PCNX3: variants seen among roughly 807,000 people sequenced by gnomAD.
PCNX3 encodes the protein pecanex-like protein 3.
In PCNX3, 58 loss-of-function variants were observed where a neutral mutation model predicts 207.2. The observed-to-expected ratio is 0.28, with a 90% CI of 0.23 to 0.35. The LOEUF is 0.35. Ranked by LOEUF, PCNX3 falls within the 10% of genes least tolerant of loss-of-function variation. The pLI, the probability that PCNX3 is intolerant of heterozygous loss-of-function variation, is 1.00. For synonymous variants in PCNX3, 1,337 were observed against 1,183.5 expected (o/e 1.13, Z -2.66); for missense variants, 2,410 against 2,774.4 (o/e 0.87, Z 2.95).
Position 65,636,445 on chromosome 11 carries a change from T to C in PCNX3, c.5648T>C (p.Leu1883Pro). 6.4e-7 allele frequency: 1 copy of C among 1,557,544 alleles called. No homozygotes were observed. Among genetic ancestry groups the C allele is most frequent in the Non-Finnish European group, 8.7e-7 (1 of 1,153,598 alleles). The change falls in exon 34 of 35, where the codon CTG (leucine) becomes CCG (proline). Residue 1883 changes from leucine (L) to proline (P), a missense_variant. Physicochemically the swap from Leu to Pro is moderately conservative, Grantham distance 98. Coordinates refer to ENST00000355703, the MANE Select transcript of PCNX3 (RefSeq NM_032223.4). ...CCTGGCTGGGGGCCGCGGTCCTCCC[T>C]GAGTGGCTCTGGTGATGGGCGGCCC... Reference protein sequence around the residue: ...PGPGWGPRSSLSGSGDGRPPP... With the variant: ...PGPGWGPRSSPSGSGDGRPPP...
rs1044528108 is a variant in PCNX3 at position 65,616,130 on chromosome 11, C to T, written c.-182C>T. The T allele has an allele frequency of 5.1e-5, 20 of 392,746 alleles. 1 individual carries two copies. The highest frequency in any genetic ancestry group is 2.6e-5 in the Non-Finnish European group (6 of 227,746). 24.3% of individuals were successfully genotyped at this position (392,746 alleles called of 1,614,324 possible). On this transcript the variant is annotated 5_prime_UTR_variant, in exon 1 of 35. Coordinates refer to ENST00000355703, the MANE Select transcript of PCNX3 (RefSeq NM_032223.4). Reference sequence around the variant, plus strand: ...TCCGGGCCTTGCACCACTGACTGTCCCGGCCGGCCCCGCCCCCTGCTCGCA... The same window carrying T: ...TCCGGGCCTTGCACCACTGACTGTCTCGGCCGGCCCCGCCCCCTGCTCGCA...
chr11:65,617,450 A>G lies in PCNX3; in HGVS notation c.442-20A>G, dbSNP rs751930077. ...TACTTCTTGCCTTGTTTGTTCCTTC[A>G]TGGCTCTCTGTCTACTCAGGAGCTG... On this transcript the variant is annotated intron_variant, in intron 3 of 34. Transcript: ENST00000355703. 45 of 1,613,584 alleles carry G rather than the reference A, an allele frequency of 2.8e-5. No individual in the cohort carries two copies. The highest frequency in any genetic ancestry group is 3.8e-5 in the Non-Finnish European group (45 of 1,179,796).
At chr11:65,634,773 C>A in intron 29 of PCNX3, 132 bp downstream of exon 29, 1 of 1,182,132 alleles carries the variant, frequency 8.5e-7, no homozygotes, top group Non-Finnish European at 1.2e-6. Flanking sequence ...CCTCTTCTCC[C>A]ACGGGCAGGG....
rs752839598 is a variant in PCNX3 at position 65,618,654 on chromosome 11, G to T, written c.1292G>T (p.Ser431Ile). Residue 431 changes from serine to isoleucine, a missense_variant, in exon 6 of 35, where the codon AGC becomes ATC. By Grantham distance (142) the Ser-to-Ile change is moderately radical. Transcript: ENST00000355703. ...GACACTAGTGAGGGCAGTGAACTGA[G>T]CCCGGCCTCCAGTCTCCGATCGCAG... ...DEDTSEGSEL[S>I]PASSLRSQRR... 1 of 1,613,136 alleles carries T rather than the reference G, an allele frequency of 6.2e-7. No individual in the cohort carries two copies. Among genetic ancestry groups the T allele is most frequent in the South Asian group, 1.1e-5 (1 of 91,084 alleles).
chr11:65,634,272 C>A lies in PCNX3; in HGVS notation c.4617C>A (p.Asp1539Glu). The A allele has an allele frequency of 6.2e-7, 1 of 1,612,248 alleles. No individual in the cohort carries two copies. Among genetic ancestry groups the A allele is most frequent in the South Asian group, 1.1e-5 (1 of 90,800 alleles). The change falls in exon 28 of 35, where the codon GAC (aspartate) becomes GAA (glutamate). Residue 1539 changes from aspartate (D) to glutamate (E), a missense_variant. Asp to Glu is a conservative substitution (Grantham distance 45). Around this residue, in one of 8 missense-constraint regions of PCNX3, gnomAD observed 420 missense variants for 705.3 expected, o/e 0.60. Coordinates refer to ENST00000355703, the MANE Select transcript of PCNX3 (RefSeq NM_032223.4). ...TFSLSVDEDY[D>E]LRLSGLSLPS... is the part of the protein sequence containing the mutation. ...CGCTGAGTGTGGATGAGGACTATGA[C>A]CTCCGCCTGTCTGGCCTCTCGCTGC...
In PCNX3 at chr11:65,636,194, C is replaced by T. The variant is rs1242216982; in HGVS notation, c.5480C>T (p.Ala1827Val). The change falls in exon 33 of 35, where the codon GCC becomes GTC. Residue 1827 changes from alanine (A) to valine (V), a missense_variant. Ala to Val is a moderately conservative substitution (Grantham distance 64). Transcript: ENST00000355703. ...CCCAGGCTTCACAAGGGCTGTGGCG[C>T]CGGCTGCAATAGTGGCGGGAACGTG... ...TWERLHKGCG[A>V]GCNSGGNVDD... 1 of 1,602,898 alleles carries T rather than the reference C, an allele frequency of 6.2e-7. No homozygotes were observed. Among genetic ancestry groups the T allele is most frequent in the Non-Finnish European group, 8.5e-7 (1 of 1,174,678 alleles).
At position 65,625,859 on chromosome 11, in the gene PCNX3, T is replaced by C. The variant is rs770236413; in HGVS notation, c.3229-45T>C. ...TGCCAGGTGGCCCTCTGTGGTCCCT[T>C]GGCCTGCTCCCATCAGCTGAGTCTC... is the stretch of plus-strand genomic sequence containing the variant. On this transcript the variant is annotated intron_variant, in intron 19 of 34. Transcript: ENST00000355703. The surrounding 1 kb of genome is among the most constrained non-coding windows in gnomAD (Gnocchi z 5.6). 13 of 1,602,492 alleles carry C rather than the reference T, an allele frequency of 8.1e-6. No individual in the cohort carries two copies. In the South Asian group the frequency reaches 1.5e-4, roughly 18 times the overall value.
rs903324100 is a variant in PCNX3, at chr11:65,636,876, C to T, written c.6003C>T (p.Ala2001=). Residue 2001 remains alanine, a synonymous_variant, in exon 35 of 35, where the codon GCC becomes GCT. Coordinates refer to ENST00000355703, the MANE Select transcript of PCNX3 (RefSeq NM_032223.4). ...SQDIPCLDSS[A]PESGTPMGAL... is the part of the protein sequence containing the mutation. ...ACATTCCTTGCTTGGACAGCAGTGC[C>T]CCTGAGAGTGGCACACCTATGGGTG... The T allele has an allele frequency of 6.4e-7, 1 of 1,552,446 alleles. No individual in the cohort carries two copies. The highest frequency in any genetic ancestry group is 1.4e-5 in the African/African-American group (1 of 73,228).
chr11:65,624,613 G>A (rs888748851), intron 15 of PCNX3, 32 bp downstream of exon 15: 6 of 1,541,206 alleles, frequency 3.9e-6, no homozygotes, highest in African/African-American at 2.7e-5. Flanking sequence ...CAGGGATGGG[G>A]CCCGTGTGGA....
chr11:65,625,641 T>C lies in PCNX3; in HGVS notation c.3136-11T>C, dbSNP rs1590887875. ...TGGCCGGGCAGCTGAATGTCTCTCC[T>C]GGCCCTGCAGCGTGAGGTCTTGCAC... is the stretch of plus-strand genomic sequence containing the variant. On this transcript the variant is annotated splice_polypyrimidine_tract_variant and intron_variant, in intron 18 of 34. Transcript: ENST00000355703. This position sits in a 1 kb window ranked among gnomAD's most constrained non-coding sequence, Gnocchi z 5.6. The C allele has an allele frequency of 6.2e-7, 1 of 1,612,032 alleles. No individual in the cohort carries two copies.
chr11:65,630,702 G>T lies in PCNX3; in HGVS notation c.4470+98G>T, dbSNP rs904258453. The T allele has an allele frequency of 2.0e-6, 3 of 1,477,312 alleles. No homozygotes were observed. The African/African-American group carries it at 4.2e-5, about 21-fold the overall frequency. The allele number at this position is 1,477,312 out of a possible 1,614,324, so 91.5% of individuals were successfully genotyped here. A position where few individuals can be genotyped will look rare whatever the true frequency, so the allele number is the denominator to read the frequency against. On this transcript the variant is annotated intron_variant, in intron 27 of 34. Coordinates refer to ENST00000355703, the MANE Select transcript of PCNX3 (RefSeq NM_032223.4). ...CCCCTTTCTGGGTTGTTGGGAGCCTGTTTTGTCCAAGGGAAGCTGAGGCCT... is the reference window on the plus strand; with the variant it reads ...CCCCTTTCTGGGTTGTTGGGAGCCTTTTTTGTCCAAGGGAAGCTGAGGCCT...
rs1032657933 is a variant in PCNX3, at chr11:65,635,503, C to A, written c.5185-26C>A. 3.1e-6 allele frequency: 5 copies of A among 1,608,030 alleles called. No individual in the cohort carries two copies. The African/African-American group carries it at 5.3e-5, about 17-fold the overall frequency. On this transcript the variant is annotated intron_variant, in intron 31 of 34. Transcript: ENST00000355703. This position sits in a 1 kb window ranked among gnomAD's most constrained non-coding sequence, Gnocchi z 9.9. ...TGCCCCAAACCCCCTTGGGCCGGCC[C>A]CCTGACCCTGGCGTGTGGCTCTCAG... is the stretch of plus-strand genomic sequence containing the variant.
At chr11:65,620,797 C>A in intron 9 of PCNX3, 34 bp from the exon 10 acceptor site, 2 of 1,586,108 alleles carry the variant, frequency 1.3e-6, no homozygotes, top group East Asian at 4.7e-5. Context: ...AGGGCTCGCC[C>A]GTGGGGGGAT....
At chr11:65,623,421 T>G (rs1855214836) in intron 11 of PCNX3, 70 bp from the exon 12 acceptor site, 2 of 1,494,814 alleles carry the variant, frequency 1.3e-6, no homozygotes, top group Non-Finnish European at 1.8e-6. Flanking sequence ...TAGGGCAAGA[T>G]CCATCTTCCC....
intron 11 of PCNX3, 21 bp downstream of exon 11, chr11:65,622,387 G>T: frequency 1.3e-6 from 2 of 1,583,576 alleles, no homozygotes. Flanking sequence ...CGCAGCCTTG[G>T]CCCCCAATTC....
chr11:65,620,341 G>T lies in PCNX3; in HGVS notation c.2011G>T (p.Val671Leu). ...AVHYFYDESG[V>L]RRSYTFGLAG... ...TCATCTCCCATACCCTGCCCCAGGT[G>T]TGCGGCGTTCCTACACCTTTGGCCT... Residue 671 changes from valine (V) to leucine (L), a missense_variant and splice_region_variant, in exon 9 of 35, where the codon GTG becomes TTG. By Grantham distance (32) the Val-to-Leu change is conservative. Around this residue, in one of 8 missense-constraint regions of PCNX3, gnomAD observed 1,104 missense variants for 970.3 expected, o/e 1.14. Coordinates refer to ENST00000355703, the MANE Select transcript of PCNX3 (RefSeq NM_032223.4). 1 of 1,612,972 alleles carries T rather than the reference G, an allele frequency of 6.2e-7. No individual in the cohort carries two copies. The highest frequency in any genetic ancestry group is 1.1e-5 in the South Asian group (1 of 90,988).
chr11:65,625,416 G>A lies in PCNX3; in HGVS notation c.3041G>A (p.Arg1014Gln), dbSNP rs372693659. The change falls in exon 18 of 35, where the codon CGG becomes CAG. Residue 1014 changes from arginine to glutamine, a missense_variant. This residue lies in a region of PCNX3 where 333 missense variants were observed against 386.8 expected (regional missense o/e 0.86). Coordinates refer to ENST00000355703, the MANE Select transcript of PCNX3 (RefSeq NM_032223.4). This position sits in a 1 kb window ranked among gnomAD's most constrained non-coding sequence, Gnocchi z 5.6. The stretch of plus-strand genomic sequence containing the variant: ...TTCCTCACCCCCAGGTCTCTGATCC[G>A]GAGCAAGCTGTTCCCTGAGCTGGAG... ...SDPTVLWSLI[R>Q]SKLFPELEER... 36 of 1,604,602 alleles carry A rather than the reference G, an allele frequency of 2.2e-5. No individual in the cohort carries two copies. The highest frequency in any genetic ancestry group is 2.7e-5 in the African/African-American group (2 of 74,840).
At chr11:65,626,593 A>G in intron 20 of PCNX3, 1 of 464,432 alleles carries the variant, frequency 2.2e-6, no homozygotes. Context: ...GGCCCAGCTC[A>G]CGGGCTCACT....
At chr11:65,633,126 C>G (rs1855681211) in intron 27 of PCNX3, among the ~76,000 whole-genome samples, 1 of 152,302 alleles carries the variant, frequency 6.6e-6, no homozygotes, top group Admixed American at 6.5e-5. Context: ...GAAAGTCAGT[C>G]TGGAGCGGGT....
Sources: allele counts gnomAD v4.1 joint callset (sites outside exome capture counted in the v4.1 genomes callset), GRCh38; gene constraint gnomAD v4.1.1; regional missense constraint gnomAD v4.1.1; non-coding constraint Gnocchi (gnomAD v3.1); transcripts MANE v1.5; gene names NCBI Gene and HGNC (gene_info 2026-07-23, HGNC 2026-07-21).